Variants in HPSE2 observed in about 807,000 individuals in gnomAD.
HPSE2 encodes heparanase 2 (inactive), also known as inactive heparanase-2.
In HPSE2, 38 loss-of-function variants were observed where a neutral mutation model predicts 60.5. The observed-to-expected ratio is 0.63, with a 90% confidence interval of 0.48 to 0.82. HPSE2 has a LOEUF of 0.82. Among genes scored for constraint, HPSE2 ranks in the 40% least tolerant of loss-of-function variants. The probability of loss-of-function intolerance (pLI) is 0.00; values close to 1 mark genes in which losing one functional copy is unlikely to be tolerated. For missense variants in HPSE2, 713 were observed against 740.4 expected, an observed-to-expected ratio of 0.96 and a Z score of 0.43; for synonymous variants, 295 against 293.2, an observed-to-expected ratio of 1.01 and a Z score of -0.06.
chr10:98,810,019 T>A (rs899553202), intron 3 of HPSE2, among the ~76,000 whole-genome samples: 1 of 152,152 alleles, frequency 6.6e-6, no homozygotes, highest in Non-Finnish European at 1.5e-5. Context: ...AAAATCATGA[T>A]CGAAGTCAAT....
intron 11 of HPSE2, among the ~76,000 whole-genome samples, chr10:98,466,933 T>C (rs1010015024): frequency 1.3e-5 from 2 of 152,180 alleles, no homozygotes; most frequent in Non-Finnish European, 2.9e-5. Context: ...TATTATCTAC[T>C]TCTCCAACCG....
the HPSE2 span, among the ~76,000 whole-genome samples, chr10:99,269,243 G>T: frequency 2.0e-5 from 3 of 151,914 alleles, no homozygotes; most frequent in African/African-American, 7.3e-5. Flanking sequence ...TAAAATTAAG[G>T]TAAAGGAGTG....
chr10:98,999,975 T>C (rs1956740101), intron 3 of HPSE2, among the ~76,000 whole-genome samples: 1 of 152,078 alleles, frequency 6.6e-6, no homozygotes, highest in African/African-American at 2.4e-5. Flanking sequence ...GAGAAACCAG[T>C]CTGAGGTGTT....
chr10:98,537,772 T>C (rs1943332695), intron 9 of HPSE2, among the ~76,000 whole-genome samples: 1 of 152,180 alleles, frequency 6.6e-6, no homozygotes, highest in Non-Finnish European at 1.5e-5. Flanking sequence ...ACCAGCTTCT[T>C]GTGGAAGGCT....
At chr10:98,916,550 G>A (rs1287290114) in intron 3 of HPSE2, among the ~76,000 whole-genome samples, 1 of 152,162 alleles carries the variant, frequency 6.6e-6, no homozygotes, top group East Asian at 1.9e-4. Flanking sequence ...GTGACAGATA[G>A]GTAAACAAGC....
chr10:98,475,113 C>T (rs1940949094), intron 11 of HPSE2, among the ~76,000 whole-genome samples: 1 of 142,218 alleles, frequency 7.0e-6, no homozygotes. Flanking sequence ...TATGGGACCA[C>T]AATTCTATTT....
chr10:98,806,525 T>C (rs1268677705), intron 3 of HPSE2, among the ~76,000 whole-genome samples: 1 of 152,188 alleles, frequency 6.6e-6, no homozygotes, highest in Non-Finnish European at 1.5e-5. Flanking sequence ...GCAAGTCACT[T>C]CAGCTCTCTG....
chr10:98,529,566 G>A lies in HPSE2; in HGVS notation c.1321-39370C>T, dbSNP rs529793494. ...TGCCCTCAACTCTGCAGTAATCCTA[G>A]ATGTTTCTCTAGTTTCTTTATCAAG... is the stretch of plus-strand genomic sequence containing the variant. On this transcript the variant is annotated intron_variant, in intron 9 of 11. Transcript: ENST00000370552. Among the ~76,000 whole-genome samples the A allele has an allele frequency of 4.1e-4, 62 of 152,262 alleles. 1 individual carries two copies. The highest frequency in any genetic ancestry group is 2.2e-3 in the Admixed American group (34 of 15,282).
At chr10:99,070,244 T>C (rs1312762259) in intron 3 of HPSE2, among the ~76,000 whole-genome samples, 5 of 152,170 alleles carry the variant, frequency 3.3e-5, no homozygotes, top group Admixed American at 3.3e-4. Flanking sequence ...GGATCTACAA[T>C]ATGAAGAACT....
intron 9 of HPSE2, among the ~76,000 whole-genome samples, chr10:98,564,739 T>C (rs1201630148): frequency 6.6e-6 from 1 of 152,238 alleles, no homozygotes; most frequent in Admixed American, 6.5e-5. Flanking sequence ...AAATGAGTAC[T>C]TATTTGTAGC....
chr10:99,045,161 C>A lies in HPSE2; in HGVS notation c.610+99077G>T, dbSNP rs554695530. Among the ~76,000 whole-genome samples the A allele has an allele frequency of 9.2e-5, 14 of 152,172 alleles. 1 individual carries two copies. In the South Asian group the frequency reaches 2.5e-3, roughly 27 times the overall value. On this transcript the variant is annotated intron_variant, in intron 3 of 11. Transcript: ENST00000370552. ...TCAAAAAAATTGAAATAATATCAAC[C>A]ATACTCTTGGACCACAGTGCAATAA... is the stretch of plus-strand genomic sequence containing the variant.
intron 2 of HPSE2, among the ~76,000 whole-genome samples, chr10:99,217,523 A>C (rs1849169332): frequency 1.3e-5 from 2 of 151,962 alleles, no homozygotes; most frequent in Admixed American, 1.3e-4. Context: ...TTTTTTTTAA[A>C]TCAAAATGCC....
intron 3 of HPSE2, among the ~76,000 whole-genome samples, chr10:98,853,255 G>A (rs889663600): frequency 4.6e-5 from 7 of 152,118 alleles, no homozygotes; most frequent in African/African-American, 1.4e-4. Context: ...GGCTTTAAAA[G>A]AAAACACAAA....
At chr10:98,710,896 G>C (rs10883172) in intron 5 of HPSE2, among the ~76,000 whole-genome samples, 28,054 of 151,942 alleles carry the variant, frequency 0.18, 3,005 homozygotes, top group East Asian at 0.38. Flanking sequence ...AAGATAGAGT[G>C]CCAGGCCCTG....
chr10:99,307,556 A>ACTTCTG, the HPSE2 span, among the ~76,000 whole-genome samples: 21 of 152,170 alleles, frequency 1.4e-4, no homozygotes, highest in African/African-American at 4.6e-4. Flanking sequence ...TGCCTTAAAC[A>ACTTCTG]CTTCTGCTTC....
chr10:99,073,158 A>G (rs1842851915), intron 3 of HPSE2, among the ~76,000 whole-genome samples: 1 of 152,172 alleles, frequency 6.6e-6, no homozygotes, highest in Admixed American at 6.5e-5. Context: ...TCATTCTATT[A>G]CAAAGATGAA....
At chr10:99,300,887 A>C in the HPSE2 span, among the ~76,000 whole-genome samples, 2 of 152,212 alleles carry the variant, frequency 1.3e-5, no homozygotes, top group African/African-American at 4.8e-5. Flanking sequence ...TCCAGGCCCT[A>C]GTAACAAAGT....
At chr10:98,490,236 CATG>C in intron 9 of HPSE2, 40 bp from the exon 10 acceptor site, 1 of 1,602,632 alleles carries the variant, frequency 6.2e-7, no homozygotes. Context: ...CGAGAGAACA[CATG>C]CTCAGGTGTT....
At chr10:98,653,736 T>C (rs1315657305) in intron 6 of HPSE2, among the ~76,000 whole-genome samples, 1 of 152,130 alleles carries the variant, frequency 6.6e-6, no homozygotes, top group Non-Finnish European at 1.5e-5. Flanking sequence ...AGTTATCTTT[T>C]AGACAAATTA....
Sources: allele counts gnomAD v4.1 joint callset (sites outside exome capture counted in the v4.1 genomes callset), GRCh38; gene constraint gnomAD v4.1.1; transcripts MANE v1.5; gene names NCBI Gene and HGNC (gene_info 2026-07-23, HGNC 2026-07-21).